Variants in NOS1 observed in about 807,000 individuals in gnomAD.
NOS1 encodes the protein NOS type I.
NOS1 carries 51 observed loss-of-function variants against 164.5 expected under a neutral mutation model. The ratio of observed to expected loss-of-function variants is 0.31; its 90% confidence interval spans 0.25 to 0.39. The LOEUF (loss-of-function observed/expected upper bound fraction) is 0.39, where lower values mean the gene tolerates loss of function less well. Ranked by LOEUF, NOS1 falls within the 10% of genes least tolerant of loss-of-function variation. NOS1 has a pLI of 1.00. For missense variants in NOS1, 1,362 were observed against 1,885.6 expected (o/e 0.72, Z 5.14); for synonymous variants, 719 against 745.8 (o/e 0.96, Z 0.59).
rs148369257 is a variant in NOS1, at chr12:117,247,504, G to A, written c.2667C>T (p.Leu889=). Residue 889 remains leucine, a synonymous_variant, in exon 18 of 29, where the codon CTC becomes CTT. Transcript: ENST00000317775. ...AAAAGTGAGGGTATGCTCGTGAGCCGAGGCCAAAAACTGAGAACCTGTCAA... is the reference window on the plus strand; with the variant it reads ...AAAAGTGAGGGTATGCTCGTGAGCCAAGGCCAAAAACTGAGAACCTGTCAA... The part of the protein sequence containing the change: ...LANVRFSVFG[L]GSRAYPHFCA... 6.2e-6 allele frequency: 10 copies of A among 1,609,624 alleles called. No individual in the cohort carries two copies. The highest frequency in any genetic ancestry group is 4.0e-5 in the African/African-American group (3 of 74,692).
chr12:117,232,559 A>C (rs139961893), intron 21 of NOS1, among the ~76,000 whole-genome samples: 300 of 152,254 alleles, frequency 2.0e-3, no homozygotes, highest in African/African-American at 6.9e-3. Context: ...TACTATTATT[A>C]GTATTTTATA....
chr12:117,296,928 C>T (rs1001254739), intron 3 of NOS1, among the ~76,000 whole-genome samples: 28 of 152,216 alleles, frequency 1.8e-4, no homozygotes, highest in African/African-American at 6.0e-4. Flanking sequence ...AAGCCCTCTC[C>T]AGAACCTGAC....
rs550620457 is a variant in NOS1 at position 117,255,521 on chromosome 12, G to A, written c.2532-1767C>T. ...AGGAAAGTTCTAAATATATGTAAGTGTATTTTCTGCCCTAAAATAGTCTCA... is the reference window on the plus strand; with the variant it reads ...AGGAAAGTTCTAAATATATGTAAGTATATTTTCTGCCCTAAAATAGTCTCA... On this transcript the variant is annotated intron_variant, in intron 16 of 28. Coordinates refer to ENST00000317775, the MANE Select transcript of NOS1 (RefSeq NM_000620.5). 3.9e-5 allele frequency among the ~76,000 whole-genome samples: 6 copies of A among 152,326 alleles called. No homozygotes were observed. In the South Asian group the frequency reaches 1.2e-3, roughly 32 times the overall value.
chr12:117,339,300 C>T (rs1168492630), intron 1 of NOS1, among the ~76,000 whole-genome samples: 2 of 152,198 alleles, frequency 1.3e-5, no homozygotes, highest in Non-Finnish European at 2.9e-5. Flanking sequence ...AATCTTCCCA[C>T]CTCTGATGCC....
chr12:117,254,948 C>CA (rs1223925407), intron 16 of NOS1, among the ~76,000 whole-genome samples: 1 of 152,188 alleles, frequency 6.6e-6, no homozygotes. Context: ...CAATGTTCAG[C>CA]ACTGACGCCT....
At chr12:117,296,507 C>G (rs1051574776) in intron 3 of NOS1, among the ~76,000 whole-genome samples, 2 of 152,206 alleles carry the variant, frequency 1.3e-5, no homozygotes, top group Admixed American at 6.5e-5. Context: ...ACATCTTTCT[C>G]CCGTGCTGGA....
At chr12:117,230,272 T>C (rs1398529507) in intron 22 of NOS1, among the ~76,000 whole-genome samples, 1 of 152,244 alleles carries the variant, frequency 6.6e-6, no homozygotes, top group Non-Finnish European at 1.5e-5. Flanking sequence ...GTACAATCTA[T>C]GATCCTTCTT....
At chr12:117,283,907 C>A (rs1194391550) in intron 7 of NOS1, among the ~76,000 whole-genome samples, 2 of 143,796 alleles carry the variant, frequency 1.4e-5, no homozygotes, top group Admixed American at 1.4e-4. Context: ...CCCATAAACT[C>A]TTTGAGGGCC....
rs199921187 is a variant in NOS1, at chr12:117,331,052, G to A, written c.18C>T (p.Phe6=). Residue 6 remains phenylalanine, a synonymous_variant, in exon 2 of 29, where the codon TTC becomes TTT. Coordinates refer to ENST00000317775, the MANE Select transcript of NOS1 (RefSeq NM_000620.5). ...CATTGGGCTGGATTTGCTGAACACCGAACATGTGATCCTCCATGGTAACTA... is the reference window on the plus strand; with the variant it reads ...CATTGGGCTGGATTTGCTGAACACCAAACATGTGATCCTCCATGGTAACTA... MEDHM[F]GVQQIQPNVI... 6 of 1,611,834 alleles carry A rather than the reference G, an allele frequency of 3.7e-6. No individual in the cohort carries two copies. Among genetic ancestry groups the A allele is most frequent in the African/African-American group, 2.7e-5 (2 of 74,886 alleles).
chr12:117,274,930 T>C (rs932935380), intron 9 of NOS1, among the ~76,000 whole-genome samples: 4 of 152,026 alleles, frequency 2.6e-5, no homozygotes, highest in Non-Finnish European at 5.9e-5. Context: ...ATTTTATATA[T>C]ACTGTGTGAT....
chr12:117,293,170 G>GAACA (rs1026202557), intron 3 of NOS1, among the ~76,000 whole-genome samples: 2 of 152,172 alleles, frequency 1.3e-5, no homozygotes, highest in African/African-American at 4.8e-5. Flanking sequence ...GGAGCCTGGG[G>GAACA]AACAGGAGGT....
rs764846715 is a variant in NOS1 at position 117,330,743 on chromosome 12, G to A, written c.327C>T (p.Thr109=). The A allele has an allele frequency of 6.2e-7, 1 of 1,614,070 alleles. No individual in the cohort carries two copies. The change falls in exon 2 of 29, where the codon ACC becomes ACT. Residue 109 remains threonine, a synonymous_variant. Transcript: ENST00000317775. The surrounding 1 kb of genome is among the most constrained non-coding windows in gnomAD (Gnocchi z 4.6). The part of the protein sequence containing the change: ...GPEGFTTHLE[T]TFTGDGTPKT... Reference sequence around the variant, plus strand: ...TGGGGGTCCCATCACCTGTAAAGGTGGTCTCCAGGTGCGTGGTGAAACCTT... The same window carrying A: ...TGGGGGTCCCATCACCTGTAAAGGTAGTCTCCAGGTGCGTGGTGAAACCTT...
intron 2 of NOS1, among the ~76,000 whole-genome samples, chr12:117,326,622 G>A (rs765273408): frequency 2.0e-5 from 3 of 152,240 alleles, no homozygotes; most frequent in Middle Eastern, 3.4e-3. Flanking sequence ...ACCTCATCAC[G>A]GTCACAGTTG....
intron 28 of NOS1, among the ~76,000 whole-genome samples, chr12:117,216,535 T>C (rs1357757289): frequency 6.6e-6 from 1 of 151,728 alleles, no homozygotes; most frequent in African/African-American, 2.4e-5. Flanking sequence ...TGGGGTGCAG[T>C]GGTGCCATCA....
intron 1 of NOS1, among the ~76,000 whole-genome samples, chr12:117,351,325 C>T (rs897112480): frequency 6.6e-6 from 1 of 152,164 alleles, no homozygotes; most frequent in Non-Finnish European, 1.5e-5. Context: ...GCCAGCACCC[C>T]CACTCCATTC....
chr12:117,250,630 G>A (rs1871026970), intron 17 of NOS1, among the ~76,000 whole-genome samples: 1 of 152,056 alleles, frequency 6.6e-6, no homozygotes, highest in African/African-American at 2.4e-5. Context: ...TGCCCAGCCT[G>A]CCATTTACTC....
chr12:117,260,015 A>G (rs1378015017), intron 14 of NOS1, among the ~76,000 whole-genome samples: 1 of 150,766 alleles, frequency 6.6e-6, no homozygotes, highest in East Asian at 2.0e-4. Flanking sequence ...GCTACTCGGG[A>G]GGCTGAGGCA....
At chr12:117,301,635 C>T (rs1402167756) in intron 3 of NOS1, among the ~76,000 whole-genome samples, 1 of 152,174 alleles carries the variant, frequency 6.6e-6, no homozygotes, top group African/African-American at 2.4e-5. Context: ...CAAAGTTCCC[C>T]TCTTTCCACT....
chr12:117,320,151 G>A (rs904219371), intron 2 of NOS1, among the ~76,000 whole-genome samples: 4 of 152,216 alleles, frequency 2.6e-5, no homozygotes, highest in African/African-American at 9.6e-5. Context: ...GTGGTAGGCT[G>A]AATAACAGCC....
Sources: allele counts gnomAD v4.1 joint callset (sites outside exome capture counted in the v4.1 genomes callset), GRCh38; gene constraint gnomAD v4.1.1; non-coding constraint Gnocchi (gnomAD v3.1); transcripts MANE v1.5; gene names NCBI Gene and HGNC (gene_info 2026-07-23, HGNC 2026-07-21).